Variants in FREM1 observed in about 807,000 individuals in gnomAD.
FREM1 encodes FRAS1-related extracellular matrix protein 1.
Under a neutral mutation model 210.1 loss-of-function variants are expected in FREM1, and 220 were observed. The ratio of observed to expected loss-of-function variants is 1.05; its 90% CI spans 0.94 to 1.17. The LOEUF is 1.17. FREM1 is among the 50% of genes most tolerant of loss of function. FREM1 has a pLI of 0.00. For missense variants in FREM1, 3,454 were observed against 2,675.5 expected (o/e 1.29, Z -6.42); for synonymous variants, 1,189 against 980.2 (o/e 1.21, Z -3.98).
Position 14,770,690 on chromosome 9 carries a change from T to G in FREM1, c.4974A>C (p.Ala1658=), listed in dbSNP as rs1437944844. 1.9e-6 allele frequency: 3 copies of G among 1,613,466 alleles called. No homozygotes were observed. The highest frequency in any genetic ancestry group is 1.7e-6 in the Non-Finnish European group (2 of 1,179,570). ...GIYITSRVLK[A]SDPDTEDDQI... ...GATCGTCCTCAGTGTCAGGGTCTGATGCCTTCAACACGCGGGAAGTGATGT... is the reference window on the plus strand; with the variant it reads ...GATCGTCCTCAGTGTCAGGGTCTGAGGCCTTCAACACGCGGGAAGTGATGT... The change falls in exon 26 of 37, where the codon GCA becomes GCC. Residue 1658 remains alanine, a synonymous_variant. Coordinates refer to ENST00000380880, the MANE Select transcript of FREM1 (RefSeq NM_001379081.2).
At chr9:14,872,255 G>C (rs1043549449) in intron 1 of FREM1, among the ~76,000 whole-genome samples, 2 of 152,022 alleles carry the variant, frequency 1.3e-5, no homozygotes, top group Admixed American at 6.6e-5. Context: ...AAATTACCTT[G>C]GGCAGTATGG....
chr9:14,884,153 T>C lies in FREM1; in HGVS notation c.-267-14909A>G, dbSNP rs746041969. ...CTGAGGCAGGAGAATCTCTTGAACT[T>C]GGGAGGCGGAGGTTGCAGTGAGCCA... On this transcript the variant is annotated intron_variant, in intron 1 of 36. Transcript: ENST00000380880. 9.5e-4 allele frequency among the ~76,000 whole-genome samples: 145 copies of C among 151,888 alleles called. 2 individuals are homozygous for C. The highest frequency in any genetic ancestry group is 4.7e-4 in the Non-Finnish European group (32 of 67,994).
In FREM1 at chr9:14,861,068, T is replaced by A. The variant is rs1382551940; in HGVS notation, c.330-1584A>T. On this transcript the variant is annotated intron_variant, in intron 3 of 36. Coordinates refer to ENST00000380880, the MANE Select transcript of FREM1 (RefSeq NM_001379081.2). ...ATACATATATACATATATACACATA[T>A]ACATATATACATATATACACATATA... Among the ~76,000 whole-genome samples the A allele has an allele frequency of 2.0e-3, 114 of 56,160 alleles. 12 individuals are homozygous for A. Among genetic ancestry groups the A allele is most frequent in the African/African-American group, 6.8e-3 (86 of 12,616 alleles). 36.8% of individuals were successfully genotyped at this position (56,160 alleles called of 152,430 possible).
intron 1 of FREM1, among the ~76,000 whole-genome samples, chr9:14,905,055 T>G (rs2132694219): frequency 6.6e-6 from 1 of 152,262 alleles, no homozygotes. Flanking sequence ...TGCCACATGT[T>G]GCATATCTAT....
In FREM1 at chr9:14,857,550, T is replaced by C. The variant is rs1268929383; in HGVS notation, c.828+3A>G. The C allele has an allele frequency of 1.2e-6, 2 of 1,611,818 alleles. No individual in the cohort carries two copies. Among genetic ancestry groups the C allele is most frequent in the Admixed American group, 3.3e-5 (2 of 59,998 alleles). Reference sequence around the variant, plus strand: ...GGCACCCACACATAACCCCAAACTCTACCTTGTACACAATTTTGCTCCTGG... The same window carrying C: ...GGCACCCACACATAACCCCAAACTCCACCTTGTACACAATTTTGCTCCTGG... On this transcript the variant is annotated splice_donor_region_variant and intron_variant, in intron 5 of 36. Coordinates refer to ENST00000380880, the MANE Select transcript of FREM1 (RefSeq NM_001379081.2).
chr9:14,799,658 G>C (rs1054145093), intron 20 of FREM1, among the ~76,000 whole-genome samples: 5 of 150,658 alleles, frequency 3.3e-5, no homozygotes, highest in Non-Finnish European at 7.4e-5. Flanking sequence ...GGTCAAATTT[G>C]AAAAAAAAAT....
chr9:14,804,315 G>A (rs1354690131), intron 19 of FREM1, among the ~76,000 whole-genome samples: 1 of 152,352 alleles, frequency 6.6e-6, no homozygotes, highest in African/African-American at 2.4e-5. Flanking sequence ...GCTGGGTGCG[G>A]TGGCTCATGC....
chr9:14,797,001 A>G (rs1365467126), intron 21 of FREM1, among the ~76,000 whole-genome samples: 1 of 152,220 alleles, frequency 6.6e-6, no homozygotes, highest in African/African-American at 2.4e-5. Context: ...CATATGGAAC[A>G]CAGTAGAGAA....
At chr9:14,753,720 A>C (rs1206519976) in intron 29 of FREM1, among the ~76,000 whole-genome samples, 1 of 152,216 alleles carries the variant, frequency 6.6e-6, no homozygotes, top group African/African-American at 2.4e-5. Context: ...CCAGACCCAG[A>C]AGAGGCAAGG....
chr9:14,737,597 TA>T lies in FREM1; in HGVS notation c.6341-3del. The T allele has an allele frequency of 2.6e-6, 4 of 1,527,454 alleles. No homozygotes were observed. The highest frequency in any genetic ancestry group is 3.5e-6 in the Non-Finnish European group (4 of 1,138,476). The allele number at this position is 1,527,454 out of a possible 1,614,324, so 94.6% of individuals were successfully genotyped here. A position where few individuals can be genotyped will look rare whatever the true frequency, so the allele number is the denominator to read the frequency against. Reference sequence around the variant, plus strand: ...CAGCATGCACTTGGTCGTTCAAACCTAATGTGAACCAAAAGAATGTACCAAT... The same window carrying T: ...CAGCATGCACTTGGTCGTTCAAACCTATGTGAACCAAAAGAATGTACCAAT... On this transcript the variant is annotated splice_region_variant and splice_polypyrimidine_tract_variant and intron_variant, in intron 36 of 36. Coordinates refer to ENST00000380880, the MANE Select transcript of FREM1 (RefSeq NM_001379081.2).
intron 1 of FREM1, among the ~76,000 whole-genome samples, chr9:14,882,113 G>GTA (rs751443936): frequency 1.3e-5 from 2 of 151,312 alleles, no homozygotes; most frequent in Non-Finnish European, 3.0e-5. Flanking sequence ...TTATTATTTT[G>GTA]TGTGTGTGTG....
chr9:14,886,400 A>T, intron 1 of FREM1, among the ~76,000 whole-genome samples: 1 of 150,904 alleles, frequency 6.6e-6, no homozygotes, highest in South Asian at 2.1e-4. Context: ...AAAAAAAAAA[A>T]AAAAAAAAGG....
chr9:14,747,378 G>C lies in FREM1; in HGVS notation c.5895C>G (p.His1965Gln). 4.3e-6 allele frequency: 7 copies of C among 1,613,634 alleles called. No homozygotes were observed. The highest frequency in any genetic ancestry group is 5.9e-6 in the Non-Finnish European group (7 of 1,179,726). The part of the protein sequence containing the change: ...LKLEDDSFPT[H>Q]KRKAKVSIIS... ...TGATGGATACTTTGGCCTTCCTTTT[G>C]TGAGTTGGGAAACTGTCATCCTCCA... is the stretch of plus-strand genomic sequence containing the variant. Residue 1965 changes from histidine (H) to glutamine (Q), a missense_variant, in exon 33 of 37, where the codon CAC (histidine) becomes CAG (glutamine). His to Gln is a conservative substitution (Grantham distance 24). Transcript: ENST00000380880.
chr9:14,848,001 C>T (rs1826995931), intron 7 of FREM1, among the ~76,000 whole-genome samples: 1 of 152,208 alleles, frequency 6.6e-6, no homozygotes, highest in Non-Finnish European at 1.5e-5. Flanking sequence ...TGTACACACA[C>T]GAGGCAGCTC....
At chr9:14,855,233 C>A (rs566541240) in intron 5 of FREM1, among the ~76,000 whole-genome samples, 1 of 151,990 alleles carries the variant, frequency 6.6e-6, no homozygotes, top group East Asian at 1.9e-4. Context: ...AAAGAGCTAG[C>A]CTTGAAATTG....
At chr9:14,872,363 C>G (rs141503774) in intron 1 of FREM1, among the ~76,000 whole-genome samples, 2,837 of 152,200 alleles carry the variant, frequency 0.019, 86 homozygotes, top group African/African-American at 0.065. Flanking sequence ...GTTTGTAGTT[C>G]TCCTTGAAGA....
At chr9:14,908,269 T>G (rs535488477) in intron 1 of FREM1, among the ~76,000 whole-genome samples, 4 of 152,282 alleles carry the variant, frequency 2.6e-5, no homozygotes, top group African/African-American at 9.6e-5. Flanking sequence ...CAAAAATCAT[T>G]TTCTAGGAAT....
At chr9:14,779,756 A>C (rs767439489) in intron 24 of FREM1, among the ~76,000 whole-genome samples, 1 of 152,206 alleles carries the variant, frequency 6.6e-6, no homozygotes, top group Non-Finnish European at 1.5e-5. Flanking sequence ...AGACCACAGA[A>C]GAGTAAGAAA....
intron 27 of FREM1, among the ~76,000 whole-genome samples, chr9:14,764,091 T>C (rs543981256): frequency 6.6e-6 from 1 of 152,282 alleles, no homozygotes; most frequent in South Asian, 2.1e-4. Context: ...GTTTCCACCA[T>C]ACTGTTCTTG....
Sources: allele counts gnomAD v4.1 joint callset (sites outside exome capture counted in the v4.1 genomes callset), GRCh38; gene constraint gnomAD v4.1.1; transcripts MANE v1.5; gene names NCBI Gene and HGNC (gene_info 2026-07-23, HGNC 2026-07-21).